Variants in PRDM2 observed in about 807,000 individuals in gnomAD.
PRDM2 encodes PR/SET domain 2.
A neutral mutation model predicts 130.0 loss-of-function variants in PRDM2; 30 were observed. The observed-to-expected ratio is 0.23, with a 90% CI of 0.17 to 0.31. The LOEUF is 0.31. Ranked by LOEUF, PRDM2 falls within the 10% of genes least tolerant of loss-of-function variation. The pLI is 1.00. For missense variants in PRDM2, 2,011 were observed against 2,108.4 expected, an observed-to-expected ratio of 0.95 and a Z score of 0.90; for synonymous variants, 871 against 782.4, an observed-to-expected ratio of 1.11 and a Z score of -1.89.
At position 13,780,424 on chromosome 1, in the gene PRDM2, G is replaced by A. The variant is rs368144576; in HGVS notation, c.2629G>A (p.Ala877Thr). 1 of 1,614,088 alleles carries A rather than the reference G, an allele frequency of 6.2e-7. No homozygotes were observed. The highest frequency in any genetic ancestry group is 2.2e-5 in the East Asian group (1 of 44,898). ...ESHSVQPTCS[A>T]VKKRKPTTCM... is the part of the protein sequence containing the mutation. ...TCATTCAGTGCAGCCTACGTGTAGT[G>A]CTGTAAAGAAAAGGAAACCAACCAC... Residue 877 changes from alanine (A) to threonine (T), a missense_variant, in exon 8 of 10, where the codon GCT (alanine) becomes ACT (threonine). Coordinates refer to ENST00000311066, the MANE Select transcript of PRDM2 (RefSeq NM_001393986.1).
In PRDM2 at chr1:13,818,948, AT is replaced by A. The variant is rs201204907; in HGVS notation, c.*23+2382del. Among the ~76,000 whole-genome samples the A allele has an allele frequency of 8.9e-3, 1,352 of 152,232 alleles. 18 individuals are homozygous for A. The highest frequency in any genetic ancestry group is 0.031 in the African/African-American group (1,297 of 41,536). Reference sequence around the variant, plus strand: ...GGAGGCCCTGGGAGAGGTACCTCCCATTTTACAGATGGAAAAATTGAGGCCC... The same window carrying A: ...GGAGGCCCTGGGAGAGGTACCTCCCATTTACAGATGGAAAAATTGAGGCCC... On this transcript the variant is annotated intron_variant, in intron 9 of 9. Transcript: ENST00000311066.
Position 13,782,682 on chromosome 1 carries a change from G to A in PRDM2, c.4887G>A (p.Ala1629=), listed in dbSNP as rs760468734. 1.3e-5 allele frequency: 21 copies of A among 1,614,024 alleles called. No homozygotes were observed. Among genetic ancestry groups the A allele is most frequent in the Middle Eastern group, 1.6e-4 (1 of 6,084 alleles). ...KAVLQSKSTL[A]SKKRTDRFNI... Reference sequence around the variant, plus strand: ...TTTTACAAAGCAAATCCACCTTGGCGAGTAAGAAAAGAACAGACCGGTTCA... The same window carrying A: ...TTTTACAAAGCAAATCCACCTTGGCAAGTAAGAAAAGAACAGACCGGTTCA... Residue 1629 remains alanine, a synonymous_variant, in exon 8 of 10, where the codon GCG becomes GCA. Transcript: ENST00000311066.
chr1:13,742,270 G>C (rs1227953170), intron 5 of PRDM2, 113 bp downstream of exon 5: 2 of 1,215,716 alleles, frequency 1.6e-6, no homozygotes, highest in Non-Finnish European at 2.3e-6. Flanking sequence ...GCTCCATCAC[G>C]GCTCACTGCA....
At position 13,781,851 on chromosome 1, in the gene PRDM2, C is replaced by T; in HGVS notation, c.4056C>T (p.Ile1352=). Residue 1352 remains isoleucine, a synonymous_variant, in exon 8 of 10, where the codon ATC becomes ATT. Transcript: ENST00000311066. This position sits in a 1 kb window ranked among gnomAD's most constrained non-coding sequence, Gnocchi z 6.1. ...VDNMPELHKH[I]LACASASDKK... is the part of the protein sequence containing the mutation. ...ATATGCCGGAGTTGCACAAACATAT[C>T]CTGGCTTGTGCTTCTGCAAGTGACA... is the stretch of plus-strand genomic sequence containing the variant. 1.2e-6 allele frequency: 2 copies of T among 1,614,168 alleles called. 1 individual carries two copies.
intron 2 of PRDM2, among the ~76,000 whole-genome samples, chr1:13,716,509 AAAG>A (rs545132376): frequency 1.8e-4 from 27 of 152,370 alleles, no homozygotes; most frequent in African/African-American, 6.3e-4. Context: ...GCAAATGATC[AAAG>A]AAGAAACTTT....
rs778613386 is a variant in PRDM2 at position 13,778,638 on chromosome 1, AGAAGATGAT to A, written c.846_854del (p.Glu282_Asp284del). ...AAGAGGAGGAGGATGAAGAAGAAGAAGAAGATGATGATGATGATGAGTTGGAAGACGAGG... is the reference window on the plus strand; with the variant it reads ...AAGAGGAGGAGGATGAAGAAGAAGAAGATGATGATGAGTTGGAAGACGAGG... On this transcript the variant is annotated inframe_deletion, in exon 8 of 10. Coordinates refer to ENST00000311066, the MANE Select transcript of PRDM2 (RefSeq NM_001393986.1). The A allele has an allele frequency of 1.1e-5, 17 of 1,613,836 alleles. No homozygotes were observed. Among genetic ancestry groups the A allele is most frequent in the Non-Finnish European group, 1.3e-5 (15 of 1,179,772 alleles).
At chr1:13,790,854 G>T (rs548100467) in intron 8 of PRDM2, among the ~76,000 whole-genome samples, 2 of 152,074 alleles carry the variant, frequency 1.3e-5, no homozygotes, top group East Asian at 3.9e-4. Context: ...CCCTTGTGCC[G>T]CTTCCTCTGA....
intron 6 of PRDM2, among the ~76,000 whole-genome samples, chr1:13,756,787 A>G (rs1466806689): frequency 6.6e-6 from 1 of 152,218 alleles, no homozygotes; most frequent in African/African-American, 2.4e-5. Context: ...CAATGACAGC[A>G]GTTACACTCG....
chr1:13,802,859 T>C (rs1645028930), intron 8 of PRDM2, among the ~76,000 whole-genome samples: 1 of 152,136 alleles, frequency 6.6e-6, no homozygotes, highest in Admixed American at 6.5e-5. Flanking sequence ...ATGTTTCAGC[T>C]CCACAGGAGA....
intron 8 of PRDM2, 80 bp downstream of exon 8, chr1:13,782,911 TG>T: frequency 6.4e-7 from 1 of 1,565,914 alleles, no homozygotes; most frequent in Admixed American, 1.9e-5. Flanking sequence ...GGTTTCTTGT[TG>T]CTTTTTTTTT....
chr1:13,753,174 C>T (rs1222694765), intron 6 of PRDM2, among the ~76,000 whole-genome samples: 1 of 152,176 alleles, frequency 6.6e-6, no homozygotes, highest in East Asian at 1.9e-4. Flanking sequence ...CTATTGACCT[C>T]GCTGTTCACA....
intron 2 of PRDM2, among the ~76,000 whole-genome samples, chr1:13,726,734 A>G (rs936552353): frequency 3.3e-5 from 5 of 152,256 alleles, no homozygotes; most frequent in African/African-American, 1.2e-4. Flanking sequence ...GTTCATTGAT[A>G]CATGTTTAAA....
intron 6 of PRDM2, among the ~76,000 whole-genome samples, chr1:13,768,449 G>A (rs918261467): frequency 2.0e-5 from 3 of 150,114 alleles, no homozygotes; most frequent in Non-Finnish European, 3.0e-5. Context: ...GCACGATCTC[G>A]GCTCACTGCA....
intron 6 of PRDM2, among the ~76,000 whole-genome samples, chr1:13,760,493 GA>G (rs1323648923): frequency 4.6e-5 from 7 of 152,202 alleles, no homozygotes; most frequent in Admixed American, 2.0e-4. Flanking sequence ...CTGGAGGGGA[GA>G]GGGGGAAAGT....
chr1:13,811,139 G>T (rs1019590523), intron 8 of PRDM2, among the ~76,000 whole-genome samples: 4 of 151,976 alleles, frequency 2.6e-5, no homozygotes, highest in African/African-American at 4.8e-5. Flanking sequence ...AGCCAAGAAA[G>T]CACGACTGCA....
intron 8 of PRDM2, among the ~76,000 whole-genome samples, chr1:13,810,083 C>T (rs1243050121): frequency 6.6e-6 from 1 of 152,196 alleles, no homozygotes; most frequent in African/African-American, 2.4e-5. Context: ...AAGGTCCCAC[C>T]TCTAAATACA....
chr1:13,724,564 G>A (rs1418852539), intron 2 of PRDM2, among the ~76,000 whole-genome samples: 1 of 148,184 alleles, frequency 6.7e-6, no homozygotes, highest in East Asian at 2.0e-4. Flanking sequence ...GCACGATCTC[G>A]GCTCACTGCA....
In PRDM2 at chr1:13,773,165, C is replaced by G. The variant is rs1306213215; in HGVS notation, c.599C>G (p.Ala200Gly). 3.2e-6 allele frequency: 5 copies of G among 1,564,346 alleles called. No individual in the cohort carries two copies. The highest frequency in any genetic ancestry group is 4.3e-6 in the Non-Finnish European group (5 of 1,158,854). ...LKTSEPDFTS[A>G]NMRDSAEGPK... The stretch of plus-strand genomic sequence containing the variant: ...ACAAGTGAGCCAGATTTCACCTCTG[C>G]AAATATGAGAGATTCTGCAGAAGGT... The change falls in exon 7 of 10, where the codon GCA (alanine) becomes GGA (glycine). Residue 200 changes from alanine (A) to glycine (G), a missense_variant. This residue lies in a region of PRDM2 where 1,288 missense variants were observed against 1,237.7 expected (regional missense o/e 1.04). Coordinates refer to ENST00000311066, the MANE Select transcript of PRDM2 (RefSeq NM_001393986.1).
intron 6 of PRDM2, among the ~76,000 whole-genome samples, chr1:13,757,103 C>T (rs1010410183): frequency 3.9e-5 from 6 of 152,174 alleles, no homozygotes; most frequent in African/African-American, 1.2e-4. Flanking sequence ...ATTCTAAATA[C>T]CAAGACTATG....
Sources: gnomAD v4.1 joint callset for allele counts (sites outside exome capture counted in the v4.1 genomes callset) on GRCh38, gnomAD v4.1.1 for gene constraint, gnomAD v4.1.1 regional missense constraint, Gnocchi (gnomAD v3.1) non-coding constraint, MANE v1.5 for transcripts, NCBI Gene and HGNC (gene_info 2026-07-23, HGNC 2026-07-21) for gene names.